The following SHROOM3 variants were observed in gnomAD, a reference collection of about 807,000 sequenced individuals.
SHROOM3 encodes protein Shroom3.
Under a neutral mutation model 138.6 loss-of-function variants are expected in SHROOM3, and 47 were observed. The observed-to-expected ratio is 0.34, with a 90% CI of 0.27 to 0.43. The LOEUF is 0.43. Among genes scored for constraint, SHROOM3 ranks in the 20% least tolerant of loss-of-function variants. The pLI, the probability that SHROOM3 is intolerant of heterozygous loss-of-function variation, is 1.00. For missense variants in SHROOM3, 2,491 were observed against 2,596.5 expected (o/e 0.96, Z 0.88); for synonymous variants, 1,062 against 1,063.3 (o/e 1.00, Z 0.02).
chr4:76,750,386 A>G (rs1206928049), intron 6 of SHROOM3, among the ~76,000 whole-genome samples: 1 of 152,186 alleles, frequency 6.6e-6, no homozygotes, highest in Admixed American at 6.5e-5. Flanking sequence ...GCTGAAGGCC[A>G]TTATCCTAAG....
chr4:76,551,963 G>A (rs1002633721), intron 1 of SHROOM3, among the ~76,000 whole-genome samples: 13 of 149,584 alleles, frequency 8.7e-5, no homozygotes, highest in East Asian at 4.0e-4. Context: ...CTGGGTTCAC[G>A]CCATTCTCCT....
At chr4:76,776,925 C>G (rs994977239) in intron 10 of SHROOM3, among the ~76,000 whole-genome samples, 1 of 152,152 alleles carries the variant, frequency 6.6e-6, no homozygotes, top group Non-Finnish European at 1.5e-5. Flanking sequence ...GGCTTTATTT[C>G]TGGGTTCTCT....
rs756455284 is a variant in SHROOM3, at chr4:76,740,816, G to C, written c.2643G>C (p.Pro881=). The change falls in exon 5 of 11, where the codon CCG becomes CCC. Residue 881 remains proline, a synonymous_variant. Transcript: ENST00000296043. The surrounding 1 kb of genome is among the most constrained non-coding windows in gnomAD (Gnocchi z 4.0). ...ASDSGRGPQR[P]DARLLRSQST... ...ACAGCGGCCGTGGCCCCCAGAGGCCGGACGCTCGGCTCCTCCGTAGCCAGA... is the reference window on the plus strand; with the variant it reads ...ACAGCGGCCGTGGCCCCCAGAGGCCCGACGCTCGGCTCCTCCGTAGCCAGA... The C allele has an allele frequency of 1.2e-6, 2 of 1,604,724 alleles. No individual in the cohort carries two copies. Among genetic ancestry groups the C allele is most frequent in the East Asian group, 2.2e-5 (1 of 44,770 alleles).
Position 76,778,887 on chromosome 4 carries a change from A to C in SHROOM3, c.5701A>C (p.Arg1901=), listed in dbSNP as rs749493023. The C allele has an allele frequency of 9.9e-6, 16 of 1,613,248 alleles. No individual in the cohort carries two copies. In the Admixed American group the frequency reaches 2.7e-4, roughly 27 times the overall value. ...GGAGCTGAAGGAGAACCTGGATCGC[A>C]GGGAGCGAGTAGTGCTGGGCATCTT... ...ARELKENLDR[R]ERVVLGILAN... Residue 1901 remains arginine (R), a synonymous_variant, in exon 11 of 11, where the codon AGG becomes CGG. Transcript: ENST00000296043.
At chr4:76,680,717 A>G (rs1719167625) in intron 2 of SHROOM3, among the ~76,000 whole-genome samples, 1 of 152,216 alleles carries the variant, frequency 6.6e-6, no homozygotes, top group Non-Finnish European at 1.5e-5. Context: ...ATGTTTAGCT[A>G]CCATTTTGTA....
chr4:76,606,257 C>T (rs1392974933), intron 2 of SHROOM3, among the ~76,000 whole-genome samples: 2 of 150,466 alleles, frequency 1.3e-5, no homozygotes, highest in African/African-American at 4.9e-5. Flanking sequence ...TGTGATCTGC[C>T]TGCCTCGGCC....
At chr4:76,576,879 A>G (rs985270188) in intron 2 of SHROOM3, among the ~76,000 whole-genome samples, 1 of 152,080 alleles carries the variant, frequency 6.6e-6, no homozygotes, top group African/African-American at 2.4e-5. Context: ...TAAATTTTTA[A>G]AAATAAAAAT....
At chr4:76,686,243 C>G (rs553145711) in intron 2 of SHROOM3, among the ~76,000 whole-genome samples, 20 of 151,974 alleles carry the variant, frequency 1.3e-4, no homozygotes, top group Admixed American at 4.6e-4. Flanking sequence ...TGGTCTTGAG[C>G]AATCCTCCCA....
At chr4:76,675,174 G>T (rs1718996958) in intron 2 of SHROOM3, among the ~76,000 whole-genome samples, 1 of 152,134 alleles carries the variant, frequency 6.6e-6, no homozygotes, top group Non-Finnish European at 1.5e-5. Flanking sequence ...TAAACAAGGT[G>T]GGGTGTGTGT....
chr4:76,770,492 G>C (rs2109791653), intron 9 of SHROOM3, 134 bp from the exon 10 acceptor site: 1 of 941,288 alleles, frequency 1.1e-6, no homozygotes, highest in Non-Finnish European at 1.6e-6. Flanking sequence ...AATATTGGGG[G>C]ACACTCCATA....
At position 76,742,000 on chromosome 4, in the gene SHROOM3, C is replaced by A; in HGVS notation, c.3753+74C>A. 2 of 1,547,956 alleles carry A rather than the reference C, an allele frequency of 1.3e-6. No homozygotes were observed. Among genetic ancestry groups the A allele is most frequent in the Non-Finnish European group, 1.8e-6 (2 of 1,136,830 alleles). On this transcript the variant is annotated intron_variant, in intron 5 of 10. Coordinates refer to ENST00000296043, the MANE Select transcript of SHROOM3 (RefSeq NM_020859.4). This position sits in a 1 kb window ranked among gnomAD's most constrained non-coding sequence, Gnocchi z 6.2. ...GAAGCTTTAGTGGGGCTCCCCAACC[C>A]CCCACACTCTCACCCGCTCTCCCAG...
At chr4:76,693,366 G>GTTTTTTTTTTTTTTT (rs1429298697) in intron 2 of SHROOM3, among the ~76,000 whole-genome samples, 18 of 60,096 alleles carry the variant, frequency 3.0e-4, no homozygotes, top group African/African-American at 1.3e-3. Context: ...ATTTTGATAA[G>GTTTTTTTTTTTTTTT]TTTGTTTTTT....
intron 1 of SHROOM3, among the ~76,000 whole-genome samples, chr4:76,471,597 A>T (rs543933173): frequency 3.9e-5 from 6 of 152,346 alleles, no homozygotes; most frequent in Admixed American, 3.9e-4. Context: ...ATCTAAAAGC[A>T]GGGACATTTG....
chr4:76,444,484 CTTTTTTTTT>C (rs61655085), intron 1 of SHROOM3, among the ~76,000 whole-genome samples: 771 of 60,204 alleles, frequency 0.013, 10 homozygotes, highest in East Asian at 0.062. Flanking sequence ...CTCTTTCTTT[CTTTTTTTTT>C]TTTTTTTTTT....
intron 2 of SHROOM3, among the ~76,000 whole-genome samples, chr4:76,584,163 A>T (rs1485143636): frequency 6.6e-6 from 1 of 152,036 alleles, no homozygotes; most frequent in East Asian, 1.9e-4. Context: ...AAAAAAAAAT[A>T]AAAAATTAGC....
At chr4:76,514,706 T>G (rs1351306797) in intron 1 of SHROOM3, among the ~76,000 whole-genome samples, 1 of 152,176 alleles carries the variant, frequency 6.6e-6, no homozygotes, top group Non-Finnish European at 1.5e-5. Context: ...AGCGTGAAAC[T>G]TTATTCAATA....
rs555146513 is a variant in SHROOM3 at position 76,526,408 on chromosome 4, A to G, written c.169-29201A>G. Among the ~76,000 whole-genome samples the G allele has an allele frequency of 5.3e-5, 8 of 152,276 alleles. No individual in the cohort carries two copies. The South Asian group carries it at 1.7e-3, about 32-fold the overall frequency. ...AATAAATGTCAGTGTGTTCCTTTGT[A>G]CTTGTTCCCCTGTGCGCCAGCCAGT... is the stretch of plus-strand genomic sequence containing the variant. On this transcript the variant is annotated intron_variant, in intron 1 of 10. Coordinates refer to ENST00000296043, the MANE Select transcript of SHROOM3 (RefSeq NM_020859.4).
intron 8 of SHROOM3, among the ~76,000 whole-genome samples, chr4:76,757,547 AAGG>A: frequency 6.6e-6 from 1 of 152,200 alleles, no homozygotes; most frequent in Non-Finnish European, 1.5e-5. Context: ...AGGGCTTTGT[AAGG>A]AGGAGAGCCT....
At chr4:76,593,180 G>A (rs769880847) in intron 2 of SHROOM3, among the ~76,000 whole-genome samples, 1 of 152,212 alleles carries the variant, frequency 6.6e-6, no homozygotes, top group Non-Finnish European at 1.5e-5. Context: ...ATGATAACTA[G>A]AGATGCTGAA....
Sources: gnomAD v4.1 joint callset for allele counts (sites outside exome capture counted in the v4.1 genomes callset) on GRCh38, gnomAD v4.1.1 for gene constraint, Gnocchi (gnomAD v3.1) non-coding constraint, MANE v1.5 for transcripts, NCBI Gene and HGNC (gene_info 2026-07-23, HGNC 2026-07-21) for gene names.